TNNT2: variants seen among roughly 807,000 people sequenced by gnomAD.
TNNT2 encodes the protein troponin T, cardiac muscle.
Under a neutral mutation model 62.4 loss-of-function variants are expected in TNNT2, and 34 were observed. The ratio of observed to expected loss-of-function variants is 0.54; its 90% CI spans 0.41 to 0.72. The LOEUF is 0.72. Ranked by LOEUF, TNNT2 falls within the 30% of genes least tolerant of loss-of-function variation. The pLI is 0.00. For missense variants in TNNT2, 275 were observed against 381.9 expected (o/e 0.72, Z 2.33); for synonymous variants, 123 against 127.2 (o/e 0.97, Z 0.22).
chr1:201,368,358 G>T (rs3753999), intron 5 of TNNT2, 131 bp from the exon 6 acceptor site: 3 of 912,530 alleles, frequency 3.3e-6, no homozygotes, highest in South Asian at 2.8e-5. Flanking sequence ...GAATTTGGGG[G>T]CAACCAACGT....
chr1:201,377,039 C>T lies in TNNT2; in HGVS notation c.-15+584G>A, dbSNP rs568094327. The stretch of plus-strand genomic sequence containing the variant: ...GAATTCCCGCGTTGGCCTGGAGAGG[C>T]GCTGCAGAGGACCCTGCACATCTGG... On this transcript the variant is annotated intron_variant, in intron 1 of 16. Transcript: ENST00000656932. Among the ~76,000 whole-genome samples the T allele has an allele frequency of 8.5e-5, 13 of 152,306 alleles. No individual in the cohort carries two copies. The South Asian group carries it at 1.9e-3, about 22-fold the overall frequency.
intron 8 of TNNT2, chr1:201,366,615 G>T: frequency 6.9e-7 from 1 of 1,443,308 alleles, no homozygotes; most frequent in Non-Finnish European, 9.1e-7. Flanking sequence ...ATCCCTGCTA[G>T]GGTGCACGAT....
At chr1:201,366,892 C>A (rs1401551909) in intron 7 of TNNT2, 21 bp from the exon 8 acceptor site, 5 of 1,614,118 alleles carry the variant, frequency 3.1e-6, no homozygotes, top group South Asian at 2.2e-5. Context: ...TAGAAGCACA[C>A]AGCCATGGGT....
chr1:201,373,454 A>T, intron 1 of TNNT2, 186 bp from the exon 2 acceptor site: 1 of 639,850 alleles, frequency 1.6e-6, no homozygotes, highest in East Asian at 2.8e-5. Flanking sequence ...TGACACCCAC[A>T]TGGCAGCAAG....
At chr1:201,368,660 G>T (rs772764759) in intron 5 of TNNT2, among the ~76,000 whole-genome samples, 1 of 152,202 alleles carries the variant, frequency 6.6e-6, no homozygotes, top group Non-Finnish European at 1.5e-5. Flanking sequence ...CTGGATCTTC[G>T]TACTATCCAG....
chr1:201,365,243 A>T lies in TNNT2; in HGVS notation c.359T>A (p.Phe120Tyr). Residue 120 changes from phenylalanine to tyrosine, a missense_variant, in exon 10 of 17, where the codon TTT becomes TAT. Phe to Tyr is a conservative substitution (Grantham distance 22, BLOSUM62 3). Coordinates refer to ENST00000656932, the MANE Select transcript of TNNT2 (RefSeq NM_001276345.2). ...NELQALIEAH[F>Y]ENRKKEEEEL... ...CTCCTCCTCTTTCTTCCTGTTCTCA[A>T]AGTGAGCCTCGATCAGCGCCTGCAA... 1 of 1,614,148 alleles carries T rather than the reference A, an allele frequency of 6.2e-7. No homozygotes were observed. Among genetic ancestry groups the T allele is most frequent in the East Asian group, 2.2e-5 (1 of 44,884 alleles).
chr1:201,363,150 G>A, intron 12 of TNNT2, 146 bp downstream of exon 12: 1 of 1,556,860 alleles, frequency 6.4e-7, no homozygotes, highest in Admixed American at 1.8e-5. Flanking sequence ...GCTCAGGGCT[G>A]GGCATGAGGA....
At chr1:201,368,391 T>G (rs376607276) in intron 5 of TNNT2, 164 bp from the exon 6 acceptor site, 31 of 747,474 alleles carry the variant, frequency 4.1e-5, no homozygotes, top group African/African-American at 3.8e-4. Flanking sequence ...CCATTCTTGG[T>G]TTTGACTGTC....
chr1:201,365,266 C>A lies in TNNT2; in HGVS notation c.336G>T (p.Leu112Phe). The A allele has an allele frequency of 6.2e-7, 1 of 1,614,182 alleles. No homozygotes were observed. The highest frequency in any genetic ancestry group is 8.5e-7 in the Non-Finnish European group (1 of 1,180,022). The stretch of plus-strand genomic sequence containing the variant: ...CAAAGTGAGCCTCGATCAGCGCCTG[C>A]AACTCATTCAGGTCCTTCTCCATGC... ...RKRMEKDLNE[L>F]QALIEAHFEN... Residue 112 changes from leucine (L) to phenylalanine (F), a missense_variant, in exon 10 of 17, where the codon TTG becomes TTT. Transcript: ENST00000656932.
rs558913147 is a variant in TNNT2 at position 201,373,385 on chromosome 1, C to T, written c.-14-117G>A. 11 of 888,928 alleles carry T rather than the reference C, an allele frequency of 1.2e-5. No individual in the cohort carries two copies. In the East Asian group the frequency reaches 2.0e-4, roughly 16 times the overall value. The allele number at this position is 888,928 out of a possible 1,614,324, so 55.1% of individuals were successfully genotyped here. On this transcript the variant is annotated intron_variant, in intron 1 of 16. Transcript: ENST00000656932. ...GCCTAGGGTGAATCTAGTTCCACCC[C>T]TCATGAGCTGTGTGACCTGCAACAA...
At position 201,366,864 on chromosome 1, in the gene TNNT2, T is replaced by C. The variant is rs531954320; in HGVS notation, c.207A>G (p.Pro69=). The change falls in exon 8 of 17, where the codon CCA becomes CCG. Residue 69 remains proline (P), a synonymous_variant. Transcript: ENST00000656932. The part of the protein sequence containing the change: ...EEEAKEAEDG[P]MEESKPKPRS... ...TGGGCTTTGGTTTGGACTCCTCCAT[T>C]GGGCCATCTGGAGGAGATAGAAGCA... 8.7e-6 allele frequency: 14 copies of C among 1,614,074 alleles called. No individual in the cohort carries two copies. In the South Asian group the frequency reaches 1.4e-4, roughly 16 times the overall value.
At chr1:201,372,003 T>C (rs770122080) in intron 4 of TNNT2, 24 bp downstream of exon 4, 92 of 1,613,772 alleles carry the variant, frequency 5.7e-5, no homozygotes, top group Middle Eastern at 1.6e-4. Flanking sequence ...CCTTTCTGGC[T>C]CTCCACCTGC....
chr1:201,362,710 G>T (rs891644102), intron 12 of TNNT2, among the ~76,000 whole-genome samples: 1 of 152,186 alleles, frequency 6.6e-6, no homozygotes, highest in African/African-American at 2.4e-5. Context: ...ACTACCTAGA[G>T]AAAATCAATT....
chr1:201,365,130 A>G, intron 10 of TNNT2, 61 bp downstream of exon 10: 1 of 1,442,158 alleles, frequency 6.9e-7, no homozygotes, highest in Non-Finnish European at 9.8e-7. Flanking sequence ...GGGCCTCACA[A>G]AAGGGATGGA....
intron 16 of TNNT2, 55 bp downstream of exon 16, chr1:201,359,568 G>A: frequency 6.5e-7 from 1 of 1,528,522 alleles, no homozygotes; most frequent in Non-Finnish European, 9.0e-7. Context: ...TAGCTGGAAG[G>A]TAGGGAAGGA....
chr1:201,371,073 A>G (rs12567686), intron 4 of TNNT2, among the ~76,000 whole-genome samples: 23,160 of 152,086 alleles, frequency 0.15, 2,254 homozygotes, highest in African/African-American at 0.28. Context: ...GAGGGTCCCC[A>G]TTTTCCCTAG....
rs1571661611 is a variant in TNNT2, at chr1:201,369,940, T to C, written c.68-95A>G. 2.8e-6 allele frequency: 4 copies of C among 1,435,598 alleles called. No homozygotes were observed. In the Admixed American group the frequency reaches 5.1e-5, roughly 18 times the overall value. The allele number at this position is 1,435,598 out of a possible 1,614,324, so 88.9% of individuals were successfully genotyped here. A position where few individuals can be genotyped will look rare whatever the true frequency, so the allele number is the denominator to read the frequency against. On this transcript the variant is annotated intron_variant, in intron 4 of 16. Coordinates refer to ENST00000656932, the MANE Select transcript of TNNT2 (RefSeq NM_001276345.2). ...CGGCAGGAGCAGCCACCCAGCGCAG[T>C]GGTTTTAAGAGTGTGGGCTTTGGAG...
chr1:201,365,301 G>A lies in TNNT2; in HGVS notation c.301C>T (p.His101Tyr), dbSNP rs2102262282. 2.5e-6 allele frequency: 4 copies of A among 1,613,876 alleles called. No individual in the cohort carries two copies. The highest frequency in any genetic ancestry group is 3.3e-4 in the Middle Eastern group (2 of 6,062). ...DGERVDFDDI[H>Y]RKRMEKDLNE... ...AGGTCCTTCTCCATGCGCTTCCGGT[G>A]GATGTCCTGTGGGTGGACCGCTGCG... The change falls in exon 10 of 17, where the codon CAC becomes TAC. Residue 101 changes from histidine to tyrosine, a missense_variant. Coordinates refer to ENST00000656932, the MANE Select transcript of TNNT2 (RefSeq NM_001276345.2).
intron 7 of TNNT2, chr1:201,367,411 C>G (rs1029235957): frequency 1.1e-5 from 5 of 450,528 alleles, no homozygotes; most frequent in Non-Finnish European, 2.0e-5. Flanking sequence ...CCACCATGAC[C>G]ATCTATGCAT....
Sources: allele counts gnomAD v4.1 joint callset (sites outside exome capture counted in the v4.1 genomes callset), GRCh38; gene constraint gnomAD v4.1.1; transcripts MANE v1.5; gene names NCBI Gene and HGNC (gene_info 2026-07-23, HGNC 2026-07-21).